TINAGL1: variants seen among roughly 807,000 people sequenced by gnomAD.
TINAGL1 encodes the protein tubulointerstitial nephritis antigen like 1.
Under a neutral mutation model 62.0 loss-of-function variants are expected in TINAGL1, and 34 were observed. The observed-to-expected ratio is 0.55, with a 90% CI of 0.42 to 0.73. The LOEUF is 0.73. Among genes scored for constraint, TINAGL1 ranks in the 30% least tolerant of loss-of-function variants. The pLI is 0.00. For synonymous variants in TINAGL1, 221 were observed against 249.7 expected (o/e 0.88, Z 1.08); for missense variants, 516 against 653.2 (o/e 0.79, Z 2.29).
At position 31,584,901 on chromosome 1, in the gene TINAGL1, G is replaced by C; in HGVS notation, c.722G>C (p.Arg241Pro). 1 of 1,610,382 alleles carries C rather than the reference G, an allele frequency of 6.2e-7. No homozygotes were observed. Among genetic ancestry groups the C allele is most frequent in the Non-Finnish European group, 8.5e-7 (1 of 1,176,938 alleles). ...AFSTAAVASDRVSIHSLGHMT... is the reference protein window; with the variant it reads ...AFSTAAVASDPVSIHSLGHMT... The stretch of plus-strand genomic sequence containing the variant: ...ACCCCACCAGCTGTGGCATCCGATC[G>C]TGTCTCAATCCATTCTCTGGGACAC... Residue 241 changes from arginine (R) to proline (P), a missense_variant, in exon 7 of 12, where the codon CGT becomes CCT. Arg to Pro is a moderately radical substitution (Grantham distance 103, BLOSUM62 -2). Transcript: ENST00000271064. The surrounding 1 kb of genome is among the most constrained non-coding windows in gnomAD (Gnocchi z 4.0).
chr1:31,587,189 G>C lies in TINAGL1; in HGVS notation c.*210G>C, dbSNP rs1037482558. 41 of 670,560 alleles carry C rather than the reference G, an allele frequency of 6.1e-5. No homozygotes were observed. Among genetic ancestry groups the C allele is most frequent in the Non-Finnish European group, 8.5e-5 (40 of 469,420 alleles). 41.5% of individuals were successfully genotyped at this position (670,560 alleles called of 1,614,324 possible). ...ACTGGCGGAGCCCCCAGACCTCCCA[G>C]TGGGGACGGGGCAGGGCCTGGCCTG... On this transcript the variant is annotated 3_prime_UTR_variant, in exon 12 of 12. Transcript: ENST00000271064.
In TINAGL1 at chr1:31,577,210, G is replaced by A. The variant is rs1434998944; in HGVS notation, c.62G>A (p.Gly21Asp). 6.3e-7 allele frequency: 1 copy of A among 1,597,236 alleles called. No homozygotes were observed. The highest frequency in any genetic ancestry group is 1.1e-5 in the South Asian group (1 of 89,802). Residue 21 changes from glycine (G) to aspartate (D), a missense_variant, in exon 2 of 12, where the codon GGT becomes GAT. By Grantham distance (94) the Gly-to-Asp change is moderately conservative. Coordinates refer to ENST00000271064, the MANE Select transcript of TINAGL1 (RefSeq NM_022164.3). This position sits in a 1 kb window ranked among gnomAD's most constrained non-coding sequence, Gnocchi z 5.4. ...LLPLAGHLAL[G>D]AQQGRGRREL... ...CCGCTGGCTGGCCACTTGGCTCTGG[G>A]TGCCCAGCAGGGTCGTGGGCGCCGG...
Position 31,585,819 on chromosome 1 carries a change from G to A in TINAGL1, c.1160G>A (p.Ser387Asn). 6.2e-7 allele frequency: 1 copy of A among 1,612,194 alleles called. No homozygotes were observed. Among genetic ancestry groups the A allele is most frequent in the Non-Finnish European group, 8.5e-7 (1 of 1,179,182 alleles). ...GGCATCTACAGCCACACGCCAGTGA[G>A]CCTTGGGAGGCCAGAGAGATACCGC... ...KGGIYSHTPV[S>N]LGRPERYRRH... Residue 387 changes from serine to asparagine, a missense_variant, in exon 10 of 12, where the codon AGC becomes AAC. Ser to Asn is a conservative substitution (Grantham distance 46). Coordinates refer to ENST00000271064, the MANE Select transcript of TINAGL1 (RefSeq NM_022164.3). The surrounding 1 kb of genome is among the most constrained non-coding windows in gnomAD (Gnocchi z 4.3).
In TINAGL1 at chr1:31,586,955, C is replaced by T. The variant is rs1384881539; in HGVS notation, c.1380C>T (p.Gly460=). The T allele has an allele frequency of 3.3e-6, 5 of 1,529,454 alleles. No homozygotes were observed. 94.7% of individuals were successfully genotyped at this position (1,529,454 alleles called of 1,614,324 possible). The part of the protein sequence containing the change: ...SFVLGVWGRV[G]MEDMGHH ...TGCTGGGCGTCTGGGGCCGCGTGGG[C>T]ATGGAGGACATGGGTCATCACTGAG... The change falls in exon 12 of 12, where the codon GGC becomes GGT. Residue 460 remains glycine (G), a synonymous_variant. Transcript: ENST00000271064.
intron 3 of TINAGL1, among the ~76,000 whole-genome samples, chr1:31,581,083 G>A (rs1331438501): frequency 2.6e-5 from 4 of 152,202 alleles, no homozygotes; most frequent in Non-Finnish European, 5.9e-5. Flanking sequence ...GTGGCTCGTG[G>A]GAAGGCCGGG....
In TINAGL1 at chr1:31,577,006, G is replaced by A; in HGVS notation, c.-15-128G>A. On this transcript the variant is annotated intron_variant, in intron 1 of 11. Coordinates refer to ENST00000271064, the MANE Select transcript of TINAGL1 (RefSeq NM_022164.3). The surrounding 1 kb of genome is among the most constrained non-coding windows in gnomAD (Gnocchi z 5.4). ...ACTGGGGCTCCTCTGCCCGTGTCCT[G>A]CCTGGGGACTCAGGAATCGGGATCT... is the stretch of plus-strand genomic sequence containing the variant. The A allele has an allele frequency of 2.3e-6, 2 of 858,138 alleles. No homozygotes were observed. Among genetic ancestry groups the A allele is most frequent in the Non-Finnish European group, 3.4e-6 (2 of 580,022 alleles). 53.2% of individuals were successfully genotyped at this position (858,138 alleles called of 1,614,324 possible).
rs866015697 is a variant in TINAGL1 at position 31,580,372 on chromosome 1, A to G, written c.374+1105A>G. 7 of 1,288,100 alleles carry G rather than the reference A, an allele frequency of 5.4e-6. 1 individual carries two copies. The Middle Eastern group carries it at 1.1e-3, about 197-fold the overall frequency. The allele number at this position is 1,288,100 out of a possible 1,614,324, so 79.8% of individuals were successfully genotyped here. On this transcript the variant is annotated intron_variant, in intron 3 of 11. Transcript: ENST00000271064. ...CCCTGGGGGCAAAGGAGGAGATGGC[A>G]GGAAAGGACAGAACAGTCTACTGCC...
Position 31,586,905 on chromosome 1 carries a change from A to G in TINAGL1, c.1330A>G (p.Asn444Asp). 1 of 1,546,782 alleles carries G rather than the reference A, an allele frequency of 6.5e-7. No individual in the cohort carries two copies. Among genetic ancestry groups the G allele is most frequent in the Middle Eastern group, 1.7e-4 (1 of 5,754 alleles). The change falls in exon 12 of 12, where the codon AAT becomes GAT. Residue 444 changes from asparagine (N) to aspartate (D), a missense_variant. Asn to Asp is a conservative substitution (Grantham distance 23). Coordinates refer to ENST00000271064, the MANE Select transcript of TINAGL1 (RefSeq NM_022164.3). ...RGHFRIVRGVNECDIESFVLG... is the reference protein window; with the variant it reads ...RGHFRIVRGVDECDIESFVLG... ...CCACTTCCGCATCGTGCGCGGCGTC[A>G]ATGAGTGCGACATCGAGAGCTTCGT...
Position 31,583,391 on chromosome 1 carries a change from C to T in TINAGL1, c.468-70C>T. On this transcript the variant is annotated intron_variant, in intron 4 of 11. Coordinates refer to ENST00000271064, the MANE Select transcript of TINAGL1 (RefSeq NM_022164.3). The surrounding 1 kb of genome is among the most constrained non-coding windows in gnomAD (Gnocchi z 4.4). ...TCAGCCACTGTGCGTCTCTCCCACC[C>T]ACATGCACCCACGCCAAGGACCCTG... 2 of 1,512,782 alleles carry T rather than the reference C, an allele frequency of 1.3e-6. No individual in the cohort carries two copies. Among genetic ancestry groups the T allele is most frequent in the Non-Finnish European group, 1.8e-6 (2 of 1,101,378 alleles). The allele number at this position is 1,512,782 out of a possible 1,614,324, so 93.7% of individuals were successfully genotyped here.
rs1278440940 is a variant in TINAGL1 at position 31,585,995 on chromosome 1, T to C, written c.1217+119T>C. 27 of 1,316,178 alleles carry C rather than the reference T, an allele frequency of 2.1e-5. No individual in the cohort carries two copies. Among genetic ancestry groups the C allele is most frequent in the Admixed American group, 6.3e-5 (2 of 31,538 alleles). The allele number at this position is 1,316,178 out of a possible 1,614,324, so 81.5% of individuals were successfully genotyped here. On this transcript the variant is annotated intron_variant, in intron 10 of 11. Transcript: ENST00000271064. This position sits in a 1 kb window ranked among gnomAD's most constrained non-coding sequence, Gnocchi z 4.3. The stretch of plus-strand genomic sequence containing the variant: ...GCCAGGACTGCTCTCATCATTTCAA[T>C]AGGGAGAAAACTGAGACTCAGAAAG...
rs539575331 is a variant in TINAGL1 at position 31,585,402 on chromosome 1, C to T, written c.1048-38C>T. On this transcript the variant is annotated intron_variant, in intron 8 of 11. Coordinates refer to ENST00000271064, the MANE Select transcript of TINAGL1 (RefSeq NM_022164.3). The surrounding 1 kb of genome is among the most constrained non-coding windows in gnomAD (Gnocchi z 4.3). ...GGGTTGTGAAAGCCTGGAGTCTCAC[C>T]CCTGACGTATGCTCTCTGTCCATCC... The T allele has an allele frequency of 3.2e-5, 52 of 1,612,086 alleles. 2 individuals are homozygous for T. Among genetic ancestry groups the T allele is most frequent in the South Asian group, 3.1e-4 (28 of 90,784 alleles).
At chr1:31,586,674 C>G (rs373683998) in intron 10 of TINAGL1, 36 bp from the exon 11 acceptor site, 3 of 1,555,038 alleles carry the variant, frequency 1.9e-6, no homozygotes, top group Non-Finnish European at 2.6e-6. Flanking sequence ...AGCAGGTAGA[C>G]CCAGCTCCCT....
In TINAGL1 at chr1:31,584,368, G is replaced by C; in HGVS notation, c.583-310G>C. 2.7e-6 allele frequency: 1 copy of C among 372,658 alleles called. No individual in the cohort carries two copies. The allele number at this position is 372,658 out of a possible 1,614,324, so 23.1% of individuals were successfully genotyped here. A position where few individuals can be genotyped will look rare whatever the true frequency, so the allele number is the denominator to read the frequency against. ...TGCAGAGGAAAGAGGCAGGGGTTGA[G>C]AATGGAAAGCTGAGGGACCTGGCCT... On this transcript the variant is annotated intron_variant, in intron 5 of 11. Transcript: ENST00000271064. This position sits in a 1 kb window ranked among gnomAD's most constrained non-coding sequence, Gnocchi z 4.0.
chr1:31,585,114 G>A lies in TINAGL1; in HGVS notation c.858-37G>A. ...CATGGCCTGGGCCATGATGCACTGA[G>A]TCTTTCTGCCTTTGCTCCCTCTTGC... is the stretch of plus-strand genomic sequence containing the variant. On this transcript the variant is annotated intron_variant, in intron 7 of 11. Transcript: ENST00000271064. This position sits in a 1 kb window ranked among gnomAD's most constrained non-coding sequence, Gnocchi z 4.3. The A allele has an allele frequency of 6.4e-7, 1 of 1,564,724 alleles. No individual in the cohort carries two copies. Among genetic ancestry groups the A allele is most frequent in the Non-Finnish European group, 8.7e-7 (1 of 1,151,586 alleles).
Position 31,577,749 on chromosome 1 carries a change from A to ACTC in TINAGL1, c.310+291_310+292insCTC, listed in dbSNP as rs1639031926. 1 of 411,364 alleles carries ACTC rather than the reference A, an allele frequency of 2.4e-6. No homozygotes were observed. Among genetic ancestry groups the ACTC allele is most frequent in the Admixed American group, 4.1e-5 (1 of 24,170 alleles). 25.5% of individuals were successfully genotyped at this position (411,364 alleles called of 1,614,324 possible). A position where few individuals can be genotyped will look rare whatever the true frequency, so the allele number is the denominator to read the frequency against. On this transcript the variant is annotated intron_variant, in intron 2 of 11. Transcript: ENST00000271064. The surrounding 1 kb of genome is among the most constrained non-coding windows in gnomAD (Gnocchi z 5.4). ...CACCTGCTGACTCACTCTTGGGCTG[A>ACTC]TAAGGCACATATGGGTTGGTGAGGG...
At position 31,587,129 on chromosome 1, in the gene TINAGL1, C is replaced by T; in HGVS notation, c.*150C>T. On this transcript the variant is annotated 3_prime_UTR_variant, in exon 12 of 12. Transcript: ENST00000271064. ...CTAATCCCGGCGCGGGTTCCGCTGA[C>T]GCAGCGCCCCGCCTGGGAGCCGCGG... 5.9e-6 allele frequency: 7 copies of T among 1,188,142 alleles called. No individual in the cohort carries two copies. Among genetic ancestry groups the T allele is most frequent in the East Asian group, 3.3e-5 (1 of 30,630 alleles). The allele number at this position is 1,188,142 out of a possible 1,614,324, so 73.6% of individuals were successfully genotyped here. A position where few individuals can be genotyped will look rare whatever the true frequency, so the allele number is the denominator to read the frequency against.
At chr1:31,580,455 C>T in intron 3 of TINAGL1, 1 of 1,289,308 alleles carries the variant, frequency 7.8e-7, no homozygotes, top group Non-Finnish European at 1.0e-6. Context: ...TGTCAGAGCC[C>T]TCAAAGGATG....
chr1:31,582,466 G>A (rs887010198), intron 3 of TINAGL1, among the ~76,000 whole-genome samples: 32 of 152,296 alleles, frequency 2.1e-4, no homozygotes, highest in African/African-American at 6.5e-4. Flanking sequence ...GGGCCTTGTT[G>A]TCACCAAACT....
chr1:31,581,703 G>A (rs984628151), intron 3 of TINAGL1, among the ~76,000 whole-genome samples: 2 of 152,120 alleles, frequency 1.3e-5, no homozygotes, highest in Non-Finnish European at 2.9e-5. Flanking sequence ...CTTAATGATG[G>A]ACCAGGCCCA....
Sources: gnomAD v4.1 joint callset for allele counts (sites outside exome capture counted in the v4.1 genomes callset) on GRCh38, gnomAD v4.1.1 for gene constraint, Gnocchi (gnomAD v3.1) non-coding constraint, MANE v1.5 for transcripts, NCBI Gene and HGNC (gene_info 2026-07-23, HGNC 2026-07-21) for gene names.